Variants in PCSK6 observed in about 807,000 individuals in gnomAD.
PCSK6 encodes paired basic amino acid cleaving enzyme 4.
Under a neutral mutation model 123.3 loss-of-function variants are expected in PCSK6, and 85 were observed. The ratio of observed to expected loss-of-function variants is 0.69; its 90% CI spans 0.58 to 0.83. The LOEUF (loss-of-function observed/expected upper bound fraction) is 0.83. Among genes scored for constraint, PCSK6 ranks in the 40% least tolerant of loss-of-function variants. The pLI, the probability that PCSK6 is intolerant of heterozygous loss-of-function variation, is 0.00. For synonymous variants in PCSK6, 508 were observed against 516.0 expected, an observed-to-expected ratio of 0.98 and a Z score of 0.21; for missense variants, 1,191 against 1,282.3, an observed-to-expected ratio of 0.93 and a Z score of 1.09.
chr15:101,450,900 C>G (rs891802006), intron 1 of PCSK6, among the ~76,000 whole-genome samples: 1 of 152,094 alleles, frequency 6.6e-6, no homozygotes, highest in Admixed American at 6.5e-5. Context: ...CAGGCAAGGC[C>G]TGGCCGGGCA....
intron 6 of PCSK6, among the ~76,000 whole-genome samples, chr15:101,406,176 C>T (rs1453346464): frequency 6.6e-6 from 1 of 151,450 alleles, no homozygotes; most frequent in Non-Finnish European, 1.5e-5. Flanking sequence ...GGAAGCTCAA[C>T]ATTAAGAGCA....
rs372895816 is a variant in PCSK6, at chr15:101,307,340, C to T, written c.2700-15G>A. 1.4e-5 allele frequency: 22 copies of T among 1,595,388 alleles called. No individual in the cohort carries two copies. The highest frequency in any genetic ancestry group is 1.7e-4 in the Middle Eastern group (1 of 6,042). ...TCTCGTCACACCTGTGGGAAGATAC[C>T]GTTCCTGCTGAAGTCTGGGGAAGAG... On this transcript the variant is annotated splice_polypyrimidine_tract_variant and intron_variant, in intron 20 of 21. Transcript: ENST00000611716.
chr15:101,446,561 T>C (rs979459254), intron 1 of PCSK6, among the ~76,000 whole-genome samples: 1 of 152,200 alleles, frequency 6.6e-6, no homozygotes, highest in African/African-American at 2.4e-5. Flanking sequence ...CTTTCCCTAC[T>C]GTTCATGGCT....
In PCSK6 at chr15:101,446,151, T is replaced by C. The variant is rs1412478688; in HGVS notation, c.298-2491A>G. 3.9e-5 allele frequency among the ~76,000 whole-genome samples: 6 copies of C among 152,296 alleles called. No homozygotes were observed. In the East Asian group the frequency reaches 1.2e-3, roughly 29 times the overall value. On this transcript the variant is annotated intron_variant, in intron 1 of 21. Transcript: ENST00000611716. ...CTTATGTCCGGCCTAGCATGAGAGC[T>C]GGGGGGCCGGGGAGGGACGCTCCCA...
Position 101,455,667 on chromosome 15 carries a change from A to G in PCSK6, c.298-12007T>C, listed in dbSNP as rs2057160182. Among the ~76,000 whole-genome samples, 3 of 152,168 alleles carry G rather than the reference A, an allele frequency of 2.0e-5. No individual in the cohort carries two copies. In the South Asian group the frequency reaches 6.2e-4, roughly 32 times the overall value. On this transcript the variant is annotated intron_variant, in intron 1 of 21. Coordinates refer to ENST00000611716, the MANE Select transcript of PCSK6 (RefSeq NM_002570.5). ...AGCTCCCAGTGCATGAAGATACAGA[A>G]AGCTTTCATCCAGCTGCATCAATGC... is the stretch of plus-strand genomic sequence containing the variant.
In PCSK6 at chr15:101,324,909, T is replaced by C. The variant is rs766960158; in HGVS notation, c.2318A>G (p.His773Arg). Residue 773 changes from histidine to arginine, a missense_variant, in exon 17 of 22, where the codon CAC (histidine) becomes CGC (arginine). Transcript: ENST00000611716. ...QCLSCRRGFY[H>R]HQEMNTCVTL... ...CACACAGGTGTTCATCTCCTGGTGGTGATAGAACCCGCGGCGGCAAGACAG... is the reference window on the plus strand; with the variant it reads ...CACACAGGTGTTCATCTCCTGGTGGCGATAGAACCCGCGGCGGCAAGACAG... The C allele has an allele frequency of 4.3e-6, 7 of 1,613,582 alleles. No homozygotes were observed. The South Asian group carries it at 7.7e-5, about 18-fold the overall frequency.
At chr15:101,431,601 C>T (rs188776944) in intron 3 of PCSK6, 138 bp from the exon 4 acceptor site, 2 of 1,006,890 alleles carry the variant, frequency 2.0e-6, no homozygotes, top group East Asian at 5.2e-5. Flanking sequence ...CCTTACATAG[C>T]AGAGCTCCTC....
At chr15:101,320,762 A>G (rs1021263800) in intron 18 of PCSK6, among the ~76,000 whole-genome samples, 7 of 152,180 alleles carry the variant, frequency 4.6e-5, no homozygotes, top group African/African-American at 1.7e-4. Flanking sequence ...CTGCTTTAAC[A>G]TGACTGCAGT....
rs118142037 is a variant in PCSK6, at chr15:101,439,768, C to T, written c.402+3788G>A. On this transcript the variant is annotated intron_variant, in intron 2 of 21. Coordinates refer to ENST00000611716, the MANE Select transcript of PCSK6 (RefSeq NM_002570.5). Reference sequence around the variant, plus strand: ...TTAAACTCCGGGGGCAAAGTCCCATCCTACAAAACAGAATGCCTCCTCTGG... The same window carrying T: ...TTAAACTCCGGGGGCAAAGTCCCATTCTACAAAACAGAATGCCTCCTCTGG... Among the ~76,000 whole-genome samples the T allele has an allele frequency of 1.2e-3, 177 of 152,364 alleles. 5 individuals are homozygous for T. In the East Asian group the frequency reaches 0.029, roughly 25 times the overall value.
At chr15:101,466,210 T>C (rs1269005475) in intron 1 of PCSK6, among the ~76,000 whole-genome samples, 3 of 151,880 alleles carry the variant, frequency 2.0e-5, no homozygotes, top group Non-Finnish European at 2.9e-5. Context: ...CCACTAAACA[T>C]GAACAAAAAT....
Position 101,304,683 on chromosome 15 carries a change from T to G in PCSK6, c.*575A>C, listed in dbSNP as rs1300940941. On this transcript the variant is annotated 3_prime_UTR_variant, in exon 22 of 22. Transcript: ENST00000611716. ...TGCTGCAGTTTCAGAAGTAGCTGAC[T>G]ATGTAGAAATAGATACTCCGGCCCC... is the stretch of plus-strand genomic sequence containing the variant. The G allele has an allele frequency of 6.6e-6, 1 of 152,494 alleles. No homozygotes were observed. The highest frequency in any genetic ancestry group is 1.5e-5 in the Non-Finnish European group (1 of 68,252). The allele number at this position is 152,494 out of a possible 1,614,324, so 9.4% of individuals were successfully genotyped here. A position where few individuals can be genotyped will look rare whatever the true frequency, so the allele number is the denominator to read the frequency against.
At chr15:101,477,028 C>A (rs1041742752) in intron 1 of PCSK6, among the ~76,000 whole-genome samples, 2 of 152,126 alleles carry the variant, frequency 1.3e-5, no homozygotes, top group African/African-American at 4.8e-5. Flanking sequence ...TGACCTTCCA[C>A]AGCAGCTGCA....
chr15:101,402,406 C>CA (rs1287709760), intron 6 of PCSK6, among the ~76,000 whole-genome samples: 1 of 151,350 alleles, frequency 6.6e-6, no homozygotes, highest in East Asian at 1.9e-4. Flanking sequence ...CACCAAAAGA[C>CA]AAAATTGACA....
At chr15:101,399,210 A>C (rs1187634446) in intron 6 of PCSK6, among the ~76,000 whole-genome samples, 1 of 152,190 alleles carries the variant, frequency 6.6e-6, no homozygotes, top group African/African-American at 2.4e-5. Context: ...CAAAAGGCAC[A>C]TTTCTATAAT....
chr15:101,421,852 T>C (rs748877608), intron 6 of PCSK6, among the ~76,000 whole-genome samples: 9 of 152,226 alleles, frequency 5.9e-5, no homozygotes, highest in Non-Finnish European at 1.2e-4. Context: ...AGATAACTAA[T>C]ACACAATCTA....
chr15:101,413,851 T>G (rs1030094044), intron 6 of PCSK6, among the ~76,000 whole-genome samples: 6 of 152,080 alleles, frequency 3.9e-5, no homozygotes, highest in Non-Finnish European at 7.4e-5. Context: ...AAGAGGCAAT[T>G]TCTACTGTAT....
At chr15:101,330,500 C>T (rs548331961) in intron 15 of PCSK6, among the ~76,000 whole-genome samples, 4 of 152,304 alleles carry the variant, frequency 2.6e-5, no homozygotes, top group East Asian at 1.9e-4. Context: ...ACTCTGGCAC[C>T]GTCTGGTTCT....
intron 1 of PCSK6, among the ~76,000 whole-genome samples, chr15:101,454,711 C>A (rs1160386950): frequency 6.6e-6 from 1 of 152,018 alleles, no homozygotes; most frequent in African/African-American, 2.4e-5. Context: ...GAGGCCGAGG[C>A]AGGTGGACAG....
intron 20 of PCSK6, 57 bp downstream of exon 20, chr15:101,313,319 C>G: frequency 6.2e-7 from 1 of 1,612,224 alleles, no homozygotes; most frequent in Non-Finnish European, 8.5e-7. Flanking sequence ...ACTCTGCCCT[C>G]CAGGCACTCC....
Sources: gnomAD v4.1 joint callset for allele counts (sites outside exome capture counted in the v4.1 genomes callset) on GRCh38, gnomAD v4.1.1 for gene constraint, MANE v1.5 for transcripts, NCBI Gene and HGNC (gene_info 2026-07-23, HGNC 2026-07-21) for gene names.